GPC5: variants seen among roughly 807,000 people sequenced by gnomAD.
GPC5 encodes glypican 5, also known as glypican-5.
Under a neutral mutation model 53.9 loss-of-function variants are expected in GPC5, and 47 were observed. The observed-to-expected ratio is 0.87, with a 90% confidence interval of 0.69 to 1.11. The LOEUF (loss-of-function observed/expected upper bound fraction) is 1.11. Ranked by LOEUF, GPC5 falls within the 50% of genes most tolerant of loss-of-function variation. The probability of loss-of-function intolerance (pLI) is 0.00; values close to 1 mark genes in which losing one functional copy is unlikely to be tolerated. For synonymous variants in GPC5, 286 were observed against 263.3 expected (o/e 1.09, Z -0.84); for missense variants, 748 against 713.1 (o/e 1.05, Z -0.56).
chr13:91,541,636 A>G (rs915530689), intron 2 of GPC5, among the ~76,000 whole-genome samples: 1 of 152,110 alleles, frequency 6.6e-6, no homozygotes, highest in Admixed American at 6.5e-5. Context: ...CAAGTTACAA[A>G]GGAAAAAAAA....
At chr13:91,516,168 G>A (rs1473367733) in intron 2 of GPC5, among the ~76,000 whole-genome samples, 1 of 152,100 alleles carries the variant, frequency 6.6e-6, no homozygotes, top group Non-Finnish European at 1.5e-5. Flanking sequence ...CTCCCCAGCA[G>A]TCCCCCAAAG....
At chr13:92,408,803 A>G (rs1875915593) in intron 7 of GPC5, among the ~76,000 whole-genome samples, 1 of 152,166 alleles carries the variant, frequency 6.6e-6, no homozygotes, top group Admixed American at 6.5e-5. Context: ...TAACTAAGGT[A>G]GTTTTGAAAA....
intron 6 of GPC5, among the ~76,000 whole-genome samples, chr13:92,034,452 A>G (rs143648396): frequency 0.041 from 6,182 of 152,132 alleles, 158 homozygotes; most frequent in Middle Eastern, 0.054. Flanking sequence ...GAGCCGAGAT[A>G]GTGCCACTGC....
intron 4 of GPC5, among the ~76,000 whole-genome samples, chr13:91,745,510 C>A (rs1278257001): frequency 6.6e-6 from 1 of 152,010 alleles, no homozygotes; most frequent in Admixed American, 6.6e-5. Flanking sequence ...ACCTACCAAC[C>A]CTTTAGTTTT....
At chr13:92,768,770 C>A (rs761068520) in intron 7 of GPC5, among the ~76,000 whole-genome samples, 1 of 151,460 alleles carries the variant, frequency 6.6e-6, no homozygotes, top group African/African-American at 2.4e-5. Context: ...TCACCAGAAC[C>A]CTGACTGCAC....
At chr13:92,671,935 A>G (rs1271868690) in intron 7 of GPC5, among the ~76,000 whole-genome samples, 1 of 152,192 alleles carries the variant, frequency 6.6e-6, no homozygotes, top group South Asian at 2.1e-4. Context: ...ACATTATCTT[A>G]AAGTGTTAAG....
At chr13:92,551,109 C>T (rs1005036381) in intron 7 of GPC5, among the ~76,000 whole-genome samples, 2 of 151,700 alleles carry the variant, frequency 1.3e-5, no homozygotes, top group Non-Finnish European at 3.0e-5. Context: ...TAGTTATGTT[C>T]CAAGGACCAG....
chr13:92,534,143 A>T (rs911765894), intron 7 of GPC5, among the ~76,000 whole-genome samples: 6 of 152,094 alleles, frequency 3.9e-5, no homozygotes, highest in Non-Finnish European at 5.9e-5. Flanking sequence ...TTAAAAAAAT[A>T]GCTGAGCAGA....
chr13:91,524,911 T>C (rs1008041095), intron 2 of GPC5, among the ~76,000 whole-genome samples: 1 of 152,232 alleles, frequency 6.6e-6, no homozygotes, highest in African/African-American at 2.4e-5. Flanking sequence ...TACCACATTA[T>C]GTATTTATCT....
chr13:92,341,923 AT>A (rs2043370138), intron 7 of GPC5, among the ~76,000 whole-genome samples: 1 of 152,176 alleles, frequency 6.6e-6, no homozygotes, highest in African/African-American at 2.4e-5. Context: ...GAAACGGGAA[AT>A]TGGAGCAGAT....
chr13:92,548,307 G>A lies in GPC5; in HGVS notation c.1562-317975G>A, dbSNP rs1306196739. ...AAAATATTTAAAGTAAATATACCAA[G>A]CAAGAATTATAGAATTAATGTTATC... On this transcript the variant is annotated intron_variant, in intron 7 of 7. Coordinates refer to ENST00000377067, the MANE Select transcript of GPC5 (RefSeq NM_004466.6). Among the ~76,000 whole-genome samples the A allele has an allele frequency of 1.5e-4, 23 of 151,328 alleles. 1 individual carries two copies. The highest frequency in any genetic ancestry group is 1.5e-3 in the Admixed American group (23 of 15,198).
At chr13:92,227,166 G>A (rs1175160185) in intron 7 of GPC5, among the ~76,000 whole-genome samples, 2 of 152,130 alleles carry the variant, frequency 1.3e-5, no homozygotes, top group Non-Finnish European at 2.9e-5. Flanking sequence ...CTCTGGACAC[G>A]GAAATACCAA....
intron 7 of GPC5, among the ~76,000 whole-genome samples, chr13:92,563,153 C>G (rs1317678867): frequency 2.6e-5 from 4 of 151,986 alleles, no homozygotes; most frequent in African/African-American, 9.7e-5. Context: ...TTATTTCTTT[C>G]TGTTTCTTGC....
chr13:91,409,130 C>T (rs1177518073), intron 1 of GPC5, among the ~76,000 whole-genome samples: 1 of 151,974 alleles, frequency 6.6e-6, no homozygotes, highest in African/African-American at 2.4e-5. Context: ...AAGGTTATAC[C>T]GAGCTACATT....
At chr13:91,528,161 C>G (rs1366815268) in intron 2 of GPC5, among the ~76,000 whole-genome samples, 1 of 152,198 alleles carries the variant, frequency 6.6e-6, no homozygotes, top group Non-Finnish European at 1.5e-5. Context: ...CATGGTCAGG[C>G]TGCAAATTTT....
intron 7 of GPC5, among the ~76,000 whole-genome samples, chr13:92,493,693 TGAGACACCA>T (rs983912603): frequency 2.6e-5 from 4 of 152,206 alleles, no homozygotes; most frequent in African/African-American, 9.7e-5. Context: ...TCTTTTTCAA[TGAGACACCA>T]GAGGCATAGA....
intron 1 of GPC5, among the ~76,000 whole-genome samples, chr13:91,405,825 CA>C (rs1329738953): frequency 1.3e-5 from 2 of 152,284 alleles, no homozygotes; most frequent in East Asian, 3.9e-4. Context: ...GGCTGGAGTG[CA>C]GTGGTATAAT....
intron 2 of GPC5, among the ~76,000 whole-genome samples, chr13:91,538,595 T>C (rs1886696338): frequency 1.3e-5 from 2 of 150,884 alleles, no homozygotes; most frequent in African/African-American, 2.4e-5. Context: ...TTTTTTTTTT[T>C]TTTTTGAGAT....
intron 6 of GPC5, among the ~76,000 whole-genome samples, chr13:92,038,673 T>TATAG (rs56923365): frequency 0.11 from 15,607 of 147,800 alleles, 838 homozygotes; most frequent in African/African-American, 0.15. Context: ...TACAAATCTA[T>TATAG]ATAGATAGAT....
Sources: allele counts gnomAD v4.1 joint callset (sites outside exome capture counted in the v4.1 genomes callset), GRCh38; gene constraint gnomAD v4.1.1; transcripts MANE v1.5; gene names NCBI Gene and HGNC (gene_info 2026-07-23, HGNC 2026-07-21).